IQSEC1: variants seen among roughly 807,000 people sequenced by gnomAD.
The protein encoded by IQSEC1 is IQ motif and SEC7 domain-containing protein 1.
In IQSEC1, 31 loss-of-function variants were observed where a neutral mutation model predicts 91.0. That is an observed-to-expected ratio of 0.34 (90% CI 0.26 to 0.46). The LOEUF (loss-of-function observed/expected upper bound fraction) is 0.46, where lower values mean the gene tolerates loss of function less well. Among genes scored for constraint, IQSEC1 ranks in the 20% least tolerant of loss-of-function variants. The pLI is 1.00. For synonymous variants in IQSEC1, 699 were observed against 662.6 expected (o/e 1.05, Z -0.84); for missense variants, 1,388 against 1,575.6 (o/e 0.88, Z 2.02).
chr3:13,229,427 G>C (rs1439579207), intron 1 of IQSEC1, among the ~76,000 whole-genome samples: 1 of 152,188 alleles, frequency 6.6e-6, no homozygotes, highest in Non-Finnish European at 1.5e-5. Flanking sequence ...CTGTCGAAGT[G>C]TTTATGGCCT....
rs536485640 is a variant in IQSEC1 at position 13,053,862 on chromosome 3, G to A, written c.23+19130C>T. Among the ~76,000 whole-genome samples the A allele has an allele frequency of 6.6e-5, 10 of 152,314 alleles. No individual in the cohort carries two copies. In the East Asian group the frequency reaches 1.7e-3, roughly 26 times the overall value. On this transcript the variant is annotated intron_variant, in intron 1 of 13. Transcript: ENST00000613206. ...ACTGTACTAACTTTAGAAAATAACA[G>A]TGAAACACAACAAGGAAAATAAAAT... is the stretch of plus-strand genomic sequence containing the variant.
At chr3:13,233,418 CCT>C (rs1694869106) in intron 1 of IQSEC1, among the ~76,000 whole-genome samples, 1 of 152,232 alleles carries the variant, frequency 6.6e-6, no homozygotes, top group Admixed American at 6.5e-5. Flanking sequence ...GCTTCAGGCC[CCT>C]GTTCTGGCTG....
At chr3:12,972,247 G>A (rs536512704) in intron 1 of IQSEC1, among the ~76,000 whole-genome samples, 4 of 152,096 alleles carry the variant, frequency 2.6e-5, no homozygotes, top group Admixed American at 2.0e-4. Flanking sequence ...GGAAGGTCAA[G>A]GCTGTGGTGA....
chr3:13,166,572 G>C (rs113243425), intron 1 of IQSEC1, among the ~76,000 whole-genome samples: 1 of 152,202 alleles, frequency 6.6e-6, no homozygotes, highest in East Asian at 1.9e-4. Context: ...CCTCATTTGC[G>C]GATTAGGGAT....
intron 3 of IQSEC1, among the ~76,000 whole-genome samples, chr3:12,926,309 CA>C (rs33950115): frequency 0.14 from 19,436 of 143,350 alleles, 1,288 homozygotes; most frequent in South Asian, 0.22. Flanking sequence ...GACTCCATGT[CA>C]AAAAAAAAAA....
At chr3:13,062,428 T>C (rs1192102017) in intron 1 of IQSEC1, among the ~76,000 whole-genome samples, 2 of 152,110 alleles carry the variant, frequency 1.3e-5, no homozygotes, top group African/African-American at 4.8e-5. Context: ...TTCAGAGAGG[T>C]TGTCTTCTGC....
At chr3:13,190,872 C>T (rs986566643) in intron 1 of IQSEC1, among the ~76,000 whole-genome samples, 44 of 152,164 alleles carry the variant, frequency 2.9e-4, no homozygotes, top group Non-Finnish European at 2.9e-5. Flanking sequence ...GGGCTCTCTC[C>T]CTACCCCTCT....
chr3:13,223,685 T>G (rs1694701649), intron 1 of IQSEC1, among the ~76,000 whole-genome samples: 1 of 152,202 alleles, frequency 6.6e-6, no homozygotes, highest in African/African-American at 2.4e-5. Flanking sequence ...ACTGGGGACA[T>G]GCAGGGACCG....
At chr3:12,986,992 G>A (rs752973166) in intron 1 of IQSEC1, 5 of 443,482 alleles carry the variant, frequency 1.1e-5, no homozygotes, top group South Asian at 7.9e-5. Flanking sequence ...GCTGTGGGTG[G>A]GGGCCTCCTG....
At chr3:13,066,844 G>A (rs1267332560) in intron 1 of IQSEC1, among the ~76,000 whole-genome samples, 1 of 152,234 alleles carries the variant, frequency 6.6e-6, no homozygotes, top group Non-Finnish European at 1.5e-5. Context: ...CCACAGGCCT[G>A]GCGTGTGTCA....
At chr3:13,011,951 C>A (rs1318545733) in intron 1 of IQSEC1, among the ~76,000 whole-genome samples, 1 of 103,442 alleles carries the variant, frequency 9.7e-6, no homozygotes, top group African/African-American at 3.4e-5. Flanking sequence ...GGGGGACTCA[C>A]TTAAGAAGGG....
rs193124625 is a variant in IQSEC1 at position 13,085,959 on chromosome 3, C to T, written c.303-38437G>A. ...GGAGGGAATTTGGAAGGTGGCTCCA[C>T]GCGGCCCCTCTGCTTGCACACTTCT... On this transcript the variant is annotated intron_variant, in intron 2 of 15. Coordinates refer to the IQSEC1 transcript ENST00000648114. 1.3e-3 allele frequency among the ~76,000 whole-genome samples: 198 copies of T among 152,358 alleles called. 2 individuals carry two copies. The highest frequency in any genetic ancestry group is 1.6e-3 in the Non-Finnish European group (110 of 68,032).
At chr3:12,995,723 T>C (rs1249969077) in intron 1 of IQSEC1, among the ~76,000 whole-genome samples, 1 of 152,248 alleles carries the variant, frequency 6.6e-6, no homozygotes, top group Non-Finnish European at 1.5e-5. Flanking sequence ...GCCCAGCTCC[T>C]GGTGGGTCTT....
intron 1 of IQSEC1, among the ~76,000 whole-genome samples, chr3:12,974,406 A>G (rs1701057186): frequency 6.6e-6 from 1 of 152,210 alleles, no homozygotes; most frequent in African/African-American, 2.4e-5. Context: ...ATCCCTCATC[A>G]GTCTGGCTGC....
Position 13,128,242 on chromosome 3 carries a change from G to A in IQSEC1, c.302+35862C>T, listed in dbSNP as rs1055374147. 4.6e-5 allele frequency among the ~76,000 whole-genome samples: 7 copies of A among 152,196 alleles called. 1 individual carries two copies. Among genetic ancestry groups the A allele is most frequent in the Admixed American group, 3.9e-4 (6 of 15,282 alleles). ...GAGAGACATTCTTGCCTTGTTCCCAGTCTTTGGGAGAAAGTGTTCAGTCTG... is the reference window on the plus strand; with the variant it reads ...GAGAGACATTCTTGCCTTGTTCCCAATCTTTGGGAGAAAGTGTTCAGTCTG... On this transcript the variant is annotated intron_variant, in intron 2 of 15. Transcript: ENST00000648114.
rs560376104 is a variant in IQSEC1 at position 12,996,212 on chromosome 3, G to A, written c.24-54347C>T. Among the ~76,000 whole-genome samples, 25 of 152,160 alleles carry A rather than the reference G, an allele frequency of 1.6e-4. No individual in the cohort carries two copies. In the East Asian group the frequency reaches 1.7e-3, roughly 11 times the overall value. On this transcript the variant is annotated intron_variant, in intron 1 of 13. Coordinates refer to ENST00000613206, the MANE Select transcript of IQSEC1 (RefSeq NM_001134382.3). The stretch of plus-strand genomic sequence containing the variant: ...GCAGTTAAGGGAAGATAAGATGCTT[G>A]TAGTTTTAATATTTAAAAATGCAGT...
chr3:13,183,721 G>A (rs1559272202), intron 1 of IQSEC1, among the ~76,000 whole-genome samples: 1 of 152,154 alleles, frequency 6.6e-6, no homozygotes, highest in African/African-American at 2.4e-5. Context: ...TGCAATTCTT[G>A]TGTTTTGTTT....
chr3:12,984,078 AAGTCAGGCCATCCTCC>A (rs982889313), intron 1 of IQSEC1, among the ~76,000 whole-genome samples: 7 of 152,254 alleles, frequency 4.6e-5, no homozygotes, highest in Admixed American at 3.9e-4. Flanking sequence ...GGCCTTCTCT[AAGTCAGGCCATCCTCC>A]AGCCCCCAAG....
rs1354129185 is a variant in IQSEC1 at position 13,038,258 on chromosome 3, G to GTATATATATA, written c.23+34733_23+34734insTATATATATA. ...TATACAAGTATATATATGTGTGTGTGTGTGTATATATATATATATATATAT... is the reference window on the plus strand; with the variant it reads ...TATACAAGTATATATATGTGTGTGTGTATATATATATGTGTATATATATATATATATATAT... On this transcript the variant is annotated intron_variant, in intron 1 of 13. Transcript: ENST00000613206. Among the ~76,000 whole-genome samples, 132 of 51,292 alleles carry GTATATATATA rather than the reference G, an allele frequency of 2.6e-3. 1 individual carries two copies. The highest frequency in any genetic ancestry group is 4.1e-3 in the Non-Finnish European group (112 of 27,228). 33.6% of individuals were successfully genotyped at this position (51,292 alleles called of 152,430 possible). A position where few individuals can be genotyped will look rare whatever the true frequency, so the allele number is the denominator to read the frequency against.
Sources: allele counts gnomAD v4.1 joint callset (sites outside exome capture counted in the v4.1 genomes callset), GRCh38; gene constraint gnomAD v4.1.1; transcripts MANE v1.5; gene names NCBI Gene and HGNC (gene_info 2026-07-23, HGNC 2026-07-21).